Variants in TEX29 observed in about 807,000 individuals in gnomAD.
TEX29 encodes testis-expressed protein 29.
TEX29 carries 26 observed loss-of-function variants against 18.2 expected under a neutral mutation model. That is an observed-to-expected ratio of 1.43 (90% CI 1.04 to 1.98). TEX29 has a LOEUF of 1.98. Among genes scored for constraint, TEX29 ranks in the 30% most tolerant of loss-of-function variants. The probability of loss-of-function intolerance (pLI) is 0.00; values close to 1 mark genes in which losing one functional copy is unlikely to be tolerated. For synonymous variants in TEX29, 83 were observed against 78.5 expected (o/e 1.06, Z -0.31); for missense variants, 177 against 194.2 (o/e 0.91, Z 0.53).
rs537123547 is a variant in TEX29 at position 111,339,935 on chromosome 13, C to G, written c.239+3C>G. ...TTCGTCATCACCATCATCTACAGGT[C>G]GGTCCCTTTGTTCTTTACTGGGAGG... On this transcript the variant is annotated splice_donor_region_variant and intron_variant, in intron 4 of 5. Transcript: ENST00000283547. 10 of 1,578,004 alleles carry G rather than the reference C, an allele frequency of 6.3e-6. No homozygotes were observed. Among genetic ancestry groups the G allele is most frequent in the African/African-American group, 1.4e-5 (1 of 71,930 alleles).
chr13:111,320,807 C>G lies in TEX29; in HGVS notation c.-35+45C>G, dbSNP rs1359915963. On this transcript the variant is annotated intron_variant, in intron 1 of 5. Transcript: ENST00000283547. ...CTCCTGGTGTGAGCCGCCCGCTCCC[C>G]AAACGACGTCCCCAGGGCCCCGCCC... 3.2e-6 allele frequency: 5 copies of G among 1,581,798 alleles called. No individual in the cohort carries two copies. The Admixed American group carries it at 5.0e-5, about 16-fold the overall frequency.
chr13:111,331,316 ATT>A (rs56208500), intron 3 of TEX29, among the ~76,000 whole-genome samples: 6,249 of 130,838 alleles, frequency 0.048, 142 homozygotes, highest in African/African-American at 0.087. Context: ...CCATTGTTGC[ATT>A]TTTTTTTTTT....
At chr13:111,336,056 A>G (rs1343107680) in intron 3 of TEX29, among the ~76,000 whole-genome samples, 5 of 152,248 alleles carry the variant, frequency 3.3e-5, no homozygotes, top group Admixed American at 3.3e-4. Context: ...GACTGGTGTT[A>G]TAAGGAACCC....
At chr13:111,333,957 C>G (rs1460013639) in intron 3 of TEX29, among the ~76,000 whole-genome samples, 2 of 152,168 alleles carry the variant, frequency 1.3e-5, no homozygotes, top group Non-Finnish European at 2.9e-5. Flanking sequence ...CAAATCATAT[C>G]AATAAAATAT....
intron 2 of TEX29, among the ~76,000 whole-genome samples, chr13:111,323,130 C>T (rs752530542): frequency 4.6e-5 from 7 of 152,250 alleles, no homozygotes; most frequent in Non-Finnish European, 7.3e-5. Flanking sequence ...GTGCAGAGCC[C>T]TGCACGCCTC....
Position 111,342,783 on chromosome 13 carries a change from G to A in TEX29, c.267G>A (p.Lys89=). 6.2e-7 allele frequency: 1 copy of A among 1,613,994 alleles called. No homozygotes were observed. Among genetic ancestry groups the A allele is most frequent in the Non-Finnish European group, 8.5e-7 (1 of 1,180,010 alleles). The change falls in exon 5 of 6, where the codon AAG becomes AAA. Residue 89 remains lysine (K), a synonymous_variant. Transcript: ENST00000283547. ...TCATTCAGGAGAGCAGGAAAGAAAAGGCCATCCCTGTGGATGTCGCGCTGC... is the reference window on the plus strand; with the variant it reads ...TCATTCAGGAGAGCAGGAAAGAAAAAGCCATCCCTGTGGATGTCGCGCTGC... ...YRVIQESRKE[K]AIPVDVALPQ...
At chr13:111,316,376 C>G, upstream of TEX29, 1 of 437,580 alleles carries the variant, frequency 2.3e-6, no homozygotes, top group Non-Finnish European at 4.6e-6. Flanking sequence ...TCGTGGAGCC[C>G]CCGCTGTCTG....
chr13:111,331,737 T>C (rs751246945), intron 3 of TEX29, among the ~76,000 whole-genome samples: 6 of 152,226 alleles, frequency 3.9e-5, no homozygotes, highest in Non-Finnish European at 5.9e-5. Context: ...CTTTTGTATC[T>C]GGTGCAAGGA....
At chr13:111,328,400 A>C in intron 3 of TEX29, 107 bp downstream of exon 3, 3 of 753,164 alleles carry the variant, frequency 4.0e-6, no homozygotes, top group Non-Finnish European at 4.6e-6. Flanking sequence ...TTTGCTGGAA[A>C]CACCTTTGTA....
At chr13:111,328,750 G>C (rs12874048) in intron 3 of TEX29, among the ~76,000 whole-genome samples, 9,035 of 152,246 alleles carry the variant, frequency 0.059, 393 homozygotes, top group Middle Eastern at 0.14. Flanking sequence ...TGGGGATTCC[G>C]TGGGCTGCTT....
chr13:111,326,242 C>T (rs28715002), intron 2 of TEX29, among the ~76,000 whole-genome samples: 17 of 86,642 alleles, frequency 2.0e-4, no homozygotes, highest in East Asian at 3.9e-4. Context: ...GTGGAGACTG[C>T]GGGCAACGCG....
chr13:111,330,528 C>T (rs1187847028), intron 3 of TEX29, among the ~76,000 whole-genome samples: 1 of 152,232 alleles, frequency 6.6e-6, no homozygotes, highest in East Asian at 1.9e-4. Flanking sequence ...GATCTCACGC[C>T]TTCCTCTGAC....
upstream of TEX29, chr13:111,316,340 C>T (rs1188542096): frequency 1.5e-5 from 7 of 451,948 alleles, no homozygotes; most frequent in South Asian, 3.1e-5. Context: ...ACACGCCTCC[C>T]GCCACCCACA....
chr13:111,333,706 G>T (rs547361810), intron 3 of TEX29, among the ~76,000 whole-genome samples: 6 of 152,344 alleles, frequency 3.9e-5, no homozygotes, highest in Non-Finnish European at 7.3e-5. Flanking sequence ...GGCTAGGGAG[G>T]CCTCAGGAAA....
rs1224780579 is a variant in TEX29, at chr13:111,339,571, C to A, written c.170-292C>A. On this transcript the variant is annotated intron_variant, in intron 3 of 5. Transcript: ENST00000283547. The stretch of plus-strand genomic sequence containing the variant: ...CCCGGGGGTCAGGACCCAGTGCCGT[C>A]TCTCCATGCACTCCCGGGGGTCAGG... 1.1e-5 allele frequency: 6 copies of A among 527,396 alleles called. No individual in the cohort carries two copies. The East Asian group carries it at 2.0e-4, about 18-fold the overall frequency. The allele number at this position is 527,396 out of a possible 1,614,324, so 32.7% of individuals were successfully genotyped here.
chr13:111,337,541 C>G (rs115383065), intron 3 of TEX29, among the ~76,000 whole-genome samples: 7 of 152,062 alleles, frequency 4.6e-5, no homozygotes, highest in African/African-American at 1.7e-4. Context: ...GGGTTAGACT[C>G]TGGCATCTCC....
At chr13:111,330,865 A>C (rs143467599) in intron 3 of TEX29, among the ~76,000 whole-genome samples, 1 of 152,176 alleles carries the variant, frequency 6.6e-6, no homozygotes, top group Non-Finnish European at 1.5e-5. Flanking sequence ...TTCGTGTTGT[A>C]GTAGCTATCA....
chr13:111,322,239 G>T (rs2093665955), intron 2 of TEX29, among the ~76,000 whole-genome samples: 2 of 152,226 alleles, frequency 1.3e-5, no homozygotes, highest in Non-Finnish European at 2.9e-5. Flanking sequence ...AGGGGTCTTT[G>T]CAGTTCCCTA....
chr13:111,329,456 C>G (rs2093679355), intron 3 of TEX29, among the ~76,000 whole-genome samples: 1 of 151,346 alleles, frequency 6.6e-6, no homozygotes, highest in Non-Finnish European at 1.5e-5. Flanking sequence ...CTAGACTGAG[C>G]CTTCAGAGAC....
Sources: allele counts gnomAD v4.1 joint callset (sites outside exome capture counted in the v4.1 genomes callset), GRCh38; gene constraint gnomAD v4.1.1; transcripts MANE v1.5; gene names NCBI Gene and HGNC (gene_info 2026-07-23, HGNC 2026-07-21).